Variants in CRAMP1 observed in about 807,000 individuals in gnomAD.
CRAMP1 encodes cramped chromatin regulator 1, also known as protein cramped-like.
Under a neutral mutation model 115.4 loss-of-function variants are expected in CRAMP1, and 50 were observed. That is an observed-to-expected ratio of 0.43 (90% CI 0.35 to 0.55). The LOEUF (loss-of-function observed/expected upper bound fraction) is 0.55. Among genes scored for constraint, CRAMP1 ranks in the 20% least tolerant of loss-of-function variants. The pLI, the probability that CRAMP1 is intolerant of heterozygous loss-of-function variation, is 0.01. For synonymous variants in CRAMP1, 866 were observed against 745.4 expected (o/e 1.16, Z -2.64); for missense variants, 1,679 against 1,721.7 (o/e 0.98, Z 0.44).
At chr16:1,618,544 T>C (rs1488721734) in intron 2 of CRAMP1, among the ~76,000 whole-genome samples, 1 of 152,174 alleles carries the variant, frequency 6.6e-6, no homozygotes. Flanking sequence ...GGTCCCCCTC[T>C]CACCCCGAAG....
intron 4 of CRAMP1, among the ~76,000 whole-genome samples, chr16:1,636,490 A>G (rs542237483): frequency 6.6e-6 from 1 of 152,294 alleles, no homozygotes; most frequent in South Asian, 2.1e-4. Flanking sequence ...TCCGAGACCC[A>G]TGGTCCAGAA....
At chr16:1,636,109 G>C (rs1477513352) in intron 4 of CRAMP1, among the ~76,000 whole-genome samples, 2 of 152,128 alleles carry the variant, frequency 1.3e-5, no homozygotes, top group African/African-American at 4.8e-5. Context: ...GGTGGCTCAC[G>C]CCTGTAATCC....
intron 6 of CRAMP1, among the ~76,000 whole-genome samples, chr16:1,646,704 G>C (rs1033944275): frequency 5.3e-5 from 8 of 152,152 alleles, no homozygotes; most frequent in Non-Finnish European, 8.8e-5. Flanking sequence ...TATGGTTTAT[G>C]CTTTTAATAT....
chr16:1,644,247 T>C lies in CRAMP1; in HGVS notation c.827+3060T>C, dbSNP rs368634355. 8.5e-5 allele frequency among the ~76,000 whole-genome samples: 13 copies of C among 152,228 alleles called. 2 individuals are homozygous for C. Among genetic ancestry groups the C allele is most frequent in the Admixed American group, 5.2e-4 (8 of 15,280 alleles). On this transcript the variant is annotated intron_variant, in intron 6 of 20. Coordinates refer to ENST00000397412, the MANE Select transcript of CRAMP1 (RefSeq NM_020825.4). ...GTCGTATTGTCATCCTCCAGAGAGG[T>C]GTGAGACACGGAGAAAAGGTTTGGA...
chr16:1,614,948 G>T lies in CRAMP1; in HGVS notation c.309G>T (p.Gly103=). The change falls in exon 2 of 21, where the codon GGG becomes GGT. Residue 103 remains glycine (G), a synonymous_variant. Transcript: ENST00000397412. This position sits in a 1 kb window ranked among gnomAD's most constrained non-coding sequence, Gnocchi z 4.4. ...GGAAGGATCCTCCGAGCGCTGTGGG[G>T]AGCGGCAACGCCGGTGGCTCGGGGC... ...RPRKDPPSAV[G]SGNAGGSGPR... is the part of the protein sequence containing the mutation. The T allele has an allele frequency of 7.9e-7, 1 of 1,266,136 alleles. No individual in the cohort carries two copies. Among genetic ancestry groups the T allele is most frequent in the South Asian group, 3.4e-5 (1 of 29,042 alleles). 78.4% of individuals were successfully genotyped at this position (1,266,136 alleles called of 1,614,324 possible). A position where few individuals can be genotyped will look rare whatever the true frequency, so the allele number is the denominator to read the frequency against.
intron 7 of CRAMP1, among the ~76,000 whole-genome samples, 198 bp downstream of exon 7, chr16:1,652,779 C>T (rs1473200793): frequency 6.6e-6 from 1 of 152,214 alleles, no homozygotes; most frequent in Non-Finnish European, 1.5e-5. Context: ...AGAGCCATGG[C>T]AGCAGTCAGC....
intron 17 of CRAMP1, among the ~76,000 whole-genome samples, 184 bp downstream of exon 17, chr16:1,667,584 C>T (rs904996433): frequency 1.3e-5 from 2 of 152,186 alleles, no homozygotes; most frequent in African/African-American, 4.8e-5. Flanking sequence ...CTGTCCGCCA[C>T]CTCAGACTTC....
chr16:1,636,362 ACT>A (rs950329919), intron 4 of CRAMP1, among the ~76,000 whole-genome samples: 14 of 151,334 alleles, frequency 9.3e-5, no homozygotes, highest in Admixed American at 3.3e-4. Flanking sequence ...CAAGAGCGAA[ACT>A]CTGTCTCAAA....
At chr16:1,651,070 C>T (rs754884801) in intron 6 of CRAMP1, among the ~76,000 whole-genome samples, 12 of 149,820 alleles carry the variant, frequency 8.0e-5, no homozygotes, top group South Asian at 2.1e-4. Context: ...ACAGAGGTCA[C>T]GGAGAAGTGG....
chr16:1,625,052 G>C (rs1012773488), intron 2 of CRAMP1, among the ~76,000 whole-genome samples: 1 of 152,112 alleles, frequency 6.6e-6, no homozygotes, highest in African/African-American at 2.4e-5. Flanking sequence ...AAGCATTTTT[G>C]TTTCAGAGTT....
At chr16:1,667,933 G>A (rs765542015) in intron 17 of CRAMP1, 29 bp from the exon 18 acceptor site, 21 of 1,428,340 alleles carry the variant, frequency 1.5e-5, no homozygotes, top group Non-Finnish European at 2.0e-5. Context: ...AGACCTGGTT[G>A]TGTCTGAAAA....
chr16:1,642,291 C>T (rs2036639218), intron 6 of CRAMP1, among the ~76,000 whole-genome samples: 1 of 152,240 alleles, frequency 6.6e-6, no homozygotes, highest in Non-Finnish European at 1.5e-5. Context: ...CCCTCCCTGC[C>T]CCAGTGGGAG....
chr16:1,664,124 G>A (rs563464807), intron 13 of CRAMP1, among the ~76,000 whole-genome samples: 4 of 152,300 alleles, frequency 2.6e-5, no homozygotes, highest in South Asian at 2.1e-4. Flanking sequence ...GAACTGCAGC[G>A]GCACCCCCAG....
At chr16:1,645,881 C>T (rs967000283) in intron 6 of CRAMP1, among the ~76,000 whole-genome samples, 2 of 149,658 alleles carry the variant, frequency 1.3e-5, no homozygotes, top group African/African-American at 5.1e-5. Flanking sequence ...GTGTAGCTGC[C>T]ACCACTGTCA....
In CRAMP1 at chr16:1,668,104, G is replaced by A. The variant is rs2036891845; in HGVS notation, c.3245G>A (p.Gly1082Asp). ...VSALLDISLPGPPEDALSQGE... is the reference protein window; with the variant it reads ...VSALLDISLPDPPEDALSQGE... Reference sequence around the variant, plus strand: ...GCTCTGCTCGACATCTCCCTGCCCGGCCCACCTGAGGATGCGCTGTCACAG... The same window carrying A: ...GCTCTGCTCGACATCTCCCTGCCCGACCCACCTGAGGATGCGCTGTCACAG... Residue 1082 changes from glycine to aspartate, a missense_variant, in exon 18 of 21, where the codon GGC (glycine) becomes GAC (aspartate). Around this residue, in one of 8 missense-constraint regions of CRAMP1, gnomAD observed 709 missense variants for 741.9 expected, o/e 0.96. Coordinates refer to ENST00000397412, the MANE Select transcript of CRAMP1 (RefSeq NM_020825.4). 1.2e-6 allele frequency: 2 copies of A among 1,613,448 alleles called. No individual in the cohort carries two copies. The highest frequency in any genetic ancestry group is 8.5e-7 in the Non-Finnish European group (1 of 1,179,868).
chr16:1,626,854 T>C lies in CRAMP1; in HGVS notation c.540+688T>C, dbSNP rs190342041. Among the ~76,000 whole-genome samples the C allele has an allele frequency of 2.6e-4, 39 of 152,368 alleles. No homozygotes were observed. The East Asian group carries it at 7.5e-3, about 29-fold the overall frequency. On this transcript the variant is annotated intron_variant, in intron 3 of 20. Coordinates refer to ENST00000397412, the MANE Select transcript of CRAMP1 (RefSeq NM_020825.4). Reference sequence around the variant, plus strand: ...CCTTGCCTGTGTGCTCACTGTGTGCTTTTGTAAAAACATCATATTGGAGCA... The same window carrying C: ...CCTTGCCTGTGTGCTCACTGTGTGCCTTTGTAAAAACATCATATTGGAGCA...
chr16:1,641,871 C>T (rs552832943), intron 6 of CRAMP1, among the ~76,000 whole-genome samples: 9 of 151,294 alleles, frequency 5.9e-5, no homozygotes, highest in Admixed American at 2.0e-4. Context: ...GTCTCCACTC[C>T]GCAGCCTGGG....
chr16:1,618,350 T>A (rs556591165), intron 2 of CRAMP1, among the ~76,000 whole-genome samples: 2 of 152,202 alleles, frequency 1.3e-5, no homozygotes, highest in African/African-American at 4.8e-5. Flanking sequence ...AGGCACCTGG[T>A]GTTTCTGCCA....
intron 5 of CRAMP1, among the ~76,000 whole-genome samples, chr16:1,639,021 C>T (rs886962201): frequency 6.6e-5 from 10 of 151,988 alleles, no homozygotes; most frequent in African/African-American, 2.2e-4. Context: ...CTGTTCCTGC[C>T]GCCTCTCATC....
Sources: allele counts gnomAD v4.1 joint callset (sites outside exome capture counted in the v4.1 genomes callset), GRCh38; gene constraint gnomAD v4.1.1; regional missense constraint gnomAD v4.1.1; non-coding constraint Gnocchi (gnomAD v3.1); transcripts MANE v1.5; gene names NCBI Gene and HGNC (gene_info 2026-07-23, HGNC 2026-07-21).